CBL: variants seen among roughly 807,000 people sequenced by gnomAD.
CBL encodes the protein E3 ubiquitin-protein ligase CBL.
In CBL, 45 loss-of-function variants were observed where a neutral mutation model predicts 96.9. The observed-to-expected ratio is 0.46, with a 90% confidence interval of 0.37 to 0.60. CBL has a LOEUF of 0.60. Ranked by LOEUF, CBL falls within the 20% of genes least tolerant of loss-of-function variation. CBL has a pLI of 0.00. For missense variants in CBL, 1,024 were observed against 1,143.5 expected, an observed-to-expected ratio of 0.90 and a Z score of 1.51; for synonymous variants, 420 against 426.8, an observed-to-expected ratio of 0.98 and a Z score of 0.20.
chr11:119,268,560 GTAGA>G (rs1949820168), intron 2 of CBL, among the ~76,000 whole-genome samples: 1 of 152,234 alleles, frequency 6.6e-6, no homozygotes. Flanking sequence ...ATGTGGTAGA[GTAGA>G]TAGTTGGAAA....
At chr11:119,213,062 AC>A (rs1949330963) in intron 1 of CBL, among the ~76,000 whole-genome samples, 1 of 151,656 alleles carries the variant, frequency 6.6e-6, no homozygotes, top group African/African-American at 2.4e-5. Context: ...TAATTCTCCC[AC>A]CTCAGCCTTC....
At chr11:119,257,880 G>T (rs1285191338) in intron 2 of CBL, among the ~76,000 whole-genome samples, 2 of 151,958 alleles carry the variant, frequency 1.3e-5, no homozygotes, top group Non-Finnish European at 2.9e-5. Flanking sequence ...CTTTATTTCT[G>T]GTTTCTCTAT....
rs1009148486 is a variant in CBL at position 119,278,045 on chromosome 11, T to C, written c.1096-121T>C. 6 of 955,320 alleles carry C rather than the reference T, an allele frequency of 6.3e-6. No individual in the cohort carries two copies. The African/African-American group carries it at 9.9e-5, about 16-fold the overall frequency. 59.2% of individuals were successfully genotyped at this position (955,320 alleles called of 1,614,324 possible). A position where few individuals can be genotyped will look rare whatever the true frequency, so the allele number is the denominator to read the frequency against. Reference sequence around the variant, plus strand: ...TCTGGTTTAATAAAAAATAAACCACTGTTGTGACATTTTTATATAAGCAAA... The same window carrying C: ...TCTGGTTTAATAAAAAATAAACCACCGTTGTGACATTTTTATATAAGCAAA... On this transcript the variant is annotated intron_variant, in intron 7 of 15. Transcript: ENST00000264033.
chr11:119,268,792 G>GA (rs1165158544), intron 2 of CBL, among the ~76,000 whole-genome samples: 14 of 152,228 alleles, frequency 9.2e-5, no homozygotes, highest in African/African-American at 3.1e-4. Context: ...CCCAAGGCAA[G>GA]ATCGTGTTCA....
rs1381316897 is a variant in CBL, at chr11:119,307,173, A to G, written c.*7392A>G. On this transcript the variant is annotated 3_prime_UTR_variant, in exon 16 of 16. Coordinates refer to ENST00000264033, the MANE Select transcript of CBL (RefSeq NM_005188.4). ...CTGCTGTGAGACTTCAGTGGAGGAG[A>G]GAAGCATTGTACCCTGGGATCATTT... 6 of 232,074 alleles carry G rather than the reference A, an allele frequency of 2.6e-5. No individual in the cohort carries two copies. Among genetic ancestry groups the G allele is most frequent in the East Asian group, 1.8e-4 (3 of 16,386 alleles). The allele number at this position is 232,074 out of a possible 1,614,324, so 14.4% of individuals were successfully genotyped here. A position where few individuals can be genotyped will look rare whatever the true frequency, so the allele number is the denominator to read the frequency against.
At chr11:119,255,867 G>T (rs562335979) in intron 2 of CBL, among the ~76,000 whole-genome samples, 1 of 151,790 alleles carries the variant, frequency 6.6e-6, no homozygotes, top group African/African-American at 2.4e-5. Flanking sequence ...TTTATTCAGG[G>T]TTTAAAATGG....
chr11:119,296,397 G>GT (rs1184338345), intron 12 of CBL, among the ~76,000 whole-genome samples: 5 of 152,174 alleles, frequency 3.3e-5, no homozygotes, highest in African/African-American at 1.2e-4. Context: ...GATCCTTGAT[G>GT]TGGGAGTCAG....
intron 3 of CBL, 122 bp downstream of exon 3, chr11:119,272,003 G>A (rs1250065609): frequency 2.3e-6 from 2 of 860,790 alleles, no homozygotes; most frequent in Non-Finnish European, 1.8e-6. Flanking sequence ...ATATGTGTAT[G>A]TATTTCCTGG....
In CBL at chr11:119,303,427, C is replaced by T. The variant is rs1950114526; in HGVS notation, c.*3646C>T. 4.3e-6 allele frequency: 1 copy of T among 233,430 alleles called. No homozygotes were observed. The highest frequency in any genetic ancestry group is 8.5e-6 in the Non-Finnish European group (1 of 117,990). The allele number at this position is 233,430 out of a possible 1,614,324, so 14.5% of individuals were successfully genotyped here. On this transcript the variant is annotated 3_prime_UTR_variant, in exon 16 of 16. Transcript: ENST00000264033. ...GTGCCAGAAATGTCAGGTATGTGTC[C>T]TTCCCTTGGCGCCACATAGTAGTTT...
intron 1 of CBL, among the ~76,000 whole-genome samples, chr11:119,212,509 C>G (rs1399248230): frequency 6.6e-6 from 1 of 151,476 alleles, no homozygotes; most frequent in East Asian, 2.0e-4. Flanking sequence ...CCCTATAATC[C>G]CAGCTACTCG....
chr11:119,288,485 AG>A (rs1950001796), intron 12 of CBL, among the ~76,000 whole-genome samples: 1 of 151,756 alleles, frequency 6.6e-6, no homozygotes, highest in Admixed American at 6.6e-5. Context: ...ACAGAGAGAG[AG>A]AGAGAGAGCA....
At chr11:119,215,254 A>C (rs940952743) in intron 1 of CBL, among the ~76,000 whole-genome samples, 4 of 152,176 alleles carry the variant, frequency 2.6e-5, no homozygotes, top group African/African-American at 9.7e-5. Flanking sequence ...CAGTATACAT[A>C]TAATGAACCT....
At chr11:119,278,327 C>T (rs2135303997) in intron 8 of CBL, 30 bp downstream of exon 8, 1 of 1,612,994 alleles carries the variant, frequency 6.2e-7, no homozygotes, top group South Asian at 1.1e-5. Flanking sequence ...CTTTTTTCAG[C>T]TATGTAATAA....
intron 2 of CBL, among the ~76,000 whole-genome samples, chr11:119,239,201 G>T (rs944542771): frequency 1.3e-5 from 2 of 151,998 alleles, no homozygotes; most frequent in African/African-American, 4.8e-5. Context: ...AAACTCCTGG[G>T]CTCAAGCAAT....
intron 1 of CBL, among the ~76,000 whole-genome samples, chr11:119,227,418 C>T (rs897837323): frequency 6.6e-6 from 1 of 152,274 alleles, no homozygotes; most frequent in South Asian, 2.1e-4. Context: ...GGCTACTCTT[C>T]TGCTGTAGCT....
In CBL at chr11:119,292,566, G is replaced by A. The variant is rs544732778; in HGVS notation, c.2037-4352G>A. 5.6e-4 allele frequency among the ~76,000 whole-genome samples: 85 copies of A among 151,896 alleles called. 1 individual carries two copies. The East Asian group carries it at 0.012, about 22-fold the overall frequency. ...CTCCCGAGTAGCTGGGACTACAGGCGCCCGCCACCAAGCCCAGCTAATTTT... is the reference window on the plus strand; with the variant it reads ...CTCCCGAGTAGCTGGGACTACAGGCACCCGCCACCAAGCCCAGCTAATTTT... On this transcript the variant is annotated intron_variant, in intron 12 of 15. Coordinates refer to ENST00000264033, the MANE Select transcript of CBL (RefSeq NM_005188.4).
intron 2 of CBL, among the ~76,000 whole-genome samples, chr11:119,244,798 CACCTT>C (rs2135275233): frequency 6.6e-6 from 1 of 151,906 alleles, no homozygotes; most frequent in African/African-American, 2.4e-5. Context: ...CAATCCGCCC[CACCTT>C]ACCTTACCAT....
Position 119,237,340 on chromosome 11 carries a change from A to G in CBL, c.443+4645A>G, listed in dbSNP as rs537576134. ...TGCTAGACCAGATACATGATTTGCA[A>G]AACTTTACTCCCATTCTGTGGGTCA... On this transcript the variant is annotated intron_variant, in intron 2 of 15. Coordinates refer to ENST00000264033, the MANE Select transcript of CBL (RefSeq NM_005188.4). Among the ~76,000 whole-genome samples the G allele has an allele frequency of 3.9e-5, 6 of 152,328 alleles. No homozygotes were observed. The South Asian group carries it at 1.2e-3, about 32-fold the overall frequency.
At chr11:119,274,538 C>G (rs1483862930) in intron 4 of CBL, among the ~76,000 whole-genome samples, 1 of 152,154 alleles carries the variant, frequency 6.6e-6, no homozygotes, top group Non-Finnish European at 1.5e-5. Flanking sequence ...TAGGCCCTAT[C>G]CTGGTTTTCA....
Sources: allele counts gnomAD v4.1 joint callset (sites outside exome capture counted in the v4.1 genomes callset), GRCh38; gene constraint gnomAD v4.1.1; transcripts MANE v1.5; gene names NCBI Gene and HGNC (gene_info 2026-07-23, HGNC 2026-07-21).